The following POPDC3 variants were observed in gnomAD, a reference collection of about 807,000 sequenced individuals.
The protein encoded by POPDC3 is popeye domain cAMP effector 3.
Under a neutral mutation model 28.2 loss-of-function variants are expected in POPDC3, and 20 were observed. That is an observed-to-expected ratio of 0.71 (90% CI 0.50 to 1.03). The LOEUF is 1.03. POPDC3 is among the 50% of genes least tolerant of loss of function. The pLI, the probability that POPDC3 is intolerant of heterozygous loss-of-function variation, is 0.00. For missense variants in POPDC3, 316 were observed against 345.9 expected (o/e 0.91, Z 0.69); for synonymous variants, 118 against 124.1 (o/e 0.95, Z 0.33).
At chr6:105,162,237 C>T (rs1774352086) in intron 1 of POPDC3, 77 bp from the exon 2 acceptor site, 1 of 834,394 alleles carries the variant, frequency 1.2e-6, no homozygotes, top group Admixed American at 5.2e-5. Context: ...TGATCAGCAG[C>T]ATTACTTAGC....
chr6:105,165,938 G>A (rs1264688498), intron 1 of POPDC3, among the ~76,000 whole-genome samples: 1 of 152,132 alleles, frequency 6.6e-6, no homozygotes, highest in Non-Finnish European at 1.5e-5. Context: ...CAGCAACTAT[G>A]TGCCAGGCAT....
At chr6:105,177,528 A>G (rs576455081) in intron 1 of POPDC3, among the ~76,000 whole-genome samples, 1 of 152,340 alleles carries the variant, frequency 6.6e-6, no homozygotes, top group South Asian at 2.1e-4. Context: ...TCAGCTAGGA[A>G]ACAAACACCT....
intron 1 of POPDC3, among the ~76,000 whole-genome samples, chr6:105,178,345 GAA>G (rs1471872796): frequency 1.3e-5 from 2 of 152,154 alleles, no homozygotes; most frequent in Non-Finnish European, 2.9e-5. Flanking sequence ...GTCTTGTGGT[GAA>G]AAGTATGGGA....
intron 1 of POPDC3, among the ~76,000 whole-genome samples, chr6:105,166,951 A>T (rs1774469652): frequency 6.6e-6 from 1 of 150,812 alleles, no homozygotes; most frequent in Non-Finnish European, 1.5e-5. Flanking sequence ...TATTTATATA[A>T]ATATATTTGA....
rs1193587251 is a variant in POPDC3, at chr6:105,159,829, C to T, written c.486-10G>A. On this transcript the variant is annotated splice_polypyrimidine_tract_variant and intron_variant, in intron 2 of 3. Coordinates refer to ENST00000254765, the MANE Select transcript of POPDC3 (RefSeq NM_022361.5). ...AACTGTCACTCTGATCCTATCAAAA[C>T]ACAAGAACAACATTTATAAGGGAAG... 3.4e-5 allele frequency: 54 copies of T among 1,567,546 alleles called. No homozygotes were observed. The highest frequency in any genetic ancestry group is 4.5e-5 in the Non-Finnish European group (51 of 1,142,714).
intron 1 of POPDC3, among the ~76,000 whole-genome samples, chr6:105,171,330 T>C (rs1392275193): frequency 6.6e-6 from 1 of 152,300 alleles, no homozygotes; most frequent in East Asian, 1.9e-4. Flanking sequence ...ATTAACTGTA[T>C]CATTAGCTCT....
chr6:105,174,472 G>T (rs539296234), intron 1 of POPDC3, among the ~76,000 whole-genome samples: 1 of 152,336 alleles, frequency 6.6e-6, no homozygotes, highest in Admixed American at 6.5e-5. Context: ...GGTCATTCAA[G>T]TACAGATGCT....
chr6:105,176,833 A>T (rs894127891), intron 1 of POPDC3, among the ~76,000 whole-genome samples: 17 of 152,238 alleles, frequency 1.1e-4, no homozygotes, highest in African/African-American at 4.1e-4. Context: ...TGCTGGGATT[A>T]CAGGCGTGAG....
chr6:105,158,506 T>A lies in POPDC3; in HGVS notation c.840A>T (p.Gln280His). 1 of 1,613,208 alleles carries A rather than the reference T, an allele frequency of 6.2e-7. No individual in the cohort carries two copies. Among genetic ancestry groups the A allele is most frequent in the Non-Finnish European group, 8.5e-7 (1 of 1,179,444 alleles). ...TPEIRRSPLT[Q>H]HFQNSRRYCD... Reference sequence around the variant, plus strand: ...AGTATCGTCTGGAATTCTGAAAATGTTGTGTCAGGGGTGATCTGCGTATTT... The same window carrying A: ...AGTATCGTCTGGAATTCTGAAAATGATGTGTCAGGGGTGATCTGCGTATTT... Residue 280 changes from glutamine (Q) to histidine (H), a missense_variant, in exon 4 of 4, where the codon CAA becomes CAT. Coordinates refer to ENST00000254765, the MANE Select transcript of POPDC3 (RefSeq NM_022361.5).
chr6:105,178,372 G>T (rs973085439), intron 1 of POPDC3, among the ~76,000 whole-genome samples: 1 of 152,188 alleles, frequency 6.6e-6, no homozygotes, highest in African/African-American at 2.4e-5. Context: ...TGTTTCCCAT[G>T]ACACATTTTT....
intron 1 of POPDC3, among the ~76,000 whole-genome samples, chr6:105,174,546 T>G (rs1043562221): frequency 1.3e-5 from 2 of 152,218 alleles, no homozygotes; most frequent in African/African-American, 4.8e-5. Context: ...CACGTTTGAC[T>G]TACAGTTTCT....
chr6:105,169,414 T>C (rs967643232), intron 1 of POPDC3: 1 of 152,188 alleles, frequency 6.6e-6, no homozygotes, highest in Non-Finnish European at 1.5e-5. Flanking sequence ...CTGTTAAGCA[T>C]TTGAACACAT....
rs773031019 is a variant in POPDC3 at position 105,158,430 on chromosome 6, G to A, written c.*40C>T. On this transcript the variant is annotated 3_prime_UTR_variant, in exon 4 of 4. Coordinates refer to ENST00000254765, the MANE Select transcript of POPDC3 (RefSeq NM_022361.5). ...CTATTTCACTGGGGAATGATGAAGAGAGAGTCTTTTTTTATACTTATAAAT... is the reference window on the plus strand; with the variant it reads ...CTATTTCACTGGGGAATGATGAAGAAAGAGTCTTTTTTTATACTTATAAAT... 4 of 1,504,264 alleles carry A rather than the reference G, an allele frequency of 2.7e-6. No individual in the cohort carries two copies. The South Asian group carries it at 5.3e-5, about 20-fold the overall frequency. The allele number at this position is 1,504,264 out of a possible 1,614,324, so 93.2% of individuals were successfully genotyped here.
chr6:105,164,292 G>A (rs1271122380), intron 1 of POPDC3, among the ~76,000 whole-genome samples: 1 of 152,118 alleles, frequency 6.6e-6, no homozygotes, highest in Non-Finnish European at 1.5e-5. Context: ...GGAACTTCTG[G>A]GAATCCTGTC....
At chr6:105,161,390 T>C (rs1319681693) in intron 2 of POPDC3, 35 bp downstream of exon 2, 1 of 1,584,634 alleles carries the variant, frequency 6.3e-7, no homozygotes, top group East Asian at 2.2e-5. Flanking sequence ...CAACTAATAC[T>C]TGAGGAAAGA....
At chr6:105,162,549 T>C (rs1020926573) in intron 1 of POPDC3, among the ~76,000 whole-genome samples, 1 of 151,928 alleles carries the variant, frequency 6.6e-6, no homozygotes, top group Non-Finnish European at 1.5e-5. Context: ...CTGGCCAACA[T>C]GGCGAAACCC....
chr6:105,161,713 ACAG>A lies in POPDC3; in HGVS notation c.194_196del (p.Ala65del), dbSNP rs1203797312. 3.7e-6 allele frequency: 6 copies of A among 1,614,210 alleles called. No homozygotes were observed. The highest frequency in any genetic ancestry group is 5.1e-6 in the Non-Finnish European group (6 of 1,180,040). ...TGCACAGACATCTACCCAAGCCCAGACAGCAGAACAGAGAAAACCCAACCCCAG... is the reference window on the plus strand; with the variant it reads ...TGCACAGACATCTACCCAAGCCCAGACAGAACAGAGAAAACCCAACCCCAG... On this transcript the variant is annotated inframe_deletion, in exon 2 of 4. Coordinates refer to ENST00000254765, the MANE Select transcript of POPDC3 (RefSeq NM_022361.5).
chr6:105,177,978 CTT>C (rs1281253865), intron 1 of POPDC3, among the ~76,000 whole-genome samples: 3 of 152,162 alleles, frequency 2.0e-5, no homozygotes, highest in African/African-American at 2.4e-5. Flanking sequence ...CCTTGTAAGA[CTT>C]TTTCTTATAA....
chr6:105,173,550 G>A (rs1236522474), intron 1 of POPDC3, among the ~76,000 whole-genome samples: 11 of 152,110 alleles, frequency 7.2e-5, no homozygotes, highest in Non-Finnish European at 5.9e-5. Context: ...AAAAATACTG[G>A]GGGCAGGAGG....
Sources: allele counts gnomAD v4.1 joint callset (sites outside exome capture counted in the v4.1 genomes callset), GRCh38; gene constraint gnomAD v4.1.1; transcripts MANE v1.5; gene names NCBI Gene and HGNC (gene_info 2026-07-23, HGNC 2026-07-21).